The following MEOX2 variants were observed in gnomAD, a reference collection of about 807,000 sequenced individuals.
MEOX2 encodes mesenchyme homeobox 2, also known as homeobox protein MOX-2.
In MEOX2, 11 loss-of-function variants were observed where a neutral mutation model predicts 27.0. The ratio of observed to expected loss-of-function variants is 0.41; its 90% CI spans 0.26 to 0.68. The LOEUF (loss-of-function observed/expected upper bound fraction) is 0.68, where lower values mean the gene tolerates loss of function less well. MEOX2 is among the 30% of genes least tolerant of loss of function. MEOX2 has a pLI of 0.33. For missense variants in MEOX2, 436 were observed against 385.4 expected (o/e 1.13, Z -1.10); for synonymous variants, 189 against 155.4 (o/e 1.22, Z -1.61).
At position 15,685,404 on chromosome 7, in the gene MEOX2, T is replaced by C. The variant is rs76269957; in HGVS notation, c.517+482A>G. Among the ~76,000 whole-genome samples the C allele has an allele frequency of 8.2e-3, 1,249 of 152,096 alleles. 37 individuals carry two copies. The East Asian group carries it at 0.11, about 13-fold the overall frequency. ...TTCTCATGCGCTCTGCCAAGTTCCA[T>C]TGCAAGTTCCAAACATTGTGCAATA... is the stretch of plus-strand genomic sequence containing the variant. On this transcript the variant is annotated intron_variant, in intron 1 of 2. Coordinates refer to ENST00000262041, the MANE Select transcript of MEOX2 (RefSeq NM_005924.5).
At chr7:15,655,980 A>G (rs1053968462) in intron 1 of MEOX2, among the ~76,000 whole-genome samples, 5 of 151,706 alleles carry the variant, frequency 3.3e-5, no homozygotes, top group African/African-American at 9.7e-5. Context: ...GGGCTTATCA[A>G]TTTCTCCTAT....
intron 1 of MEOX2, chr7:15,681,899 A>T (rs1782297225): frequency 6.6e-6 from 1 of 151,824 alleles, no homozygotes; most frequent in South Asian, 2.1e-4. Context: ...TTTACACAGA[A>T]TTGGAAACTA....
intron 1 of MEOX2, among the ~76,000 whole-genome samples, chr7:15,647,011 T>G (rs550175714): frequency 6.6e-6 from 1 of 152,088 alleles, no homozygotes; most frequent in African/African-American, 2.4e-5. Context: ...GAAACAAATA[T>G]AGTAAGTATA....
chr7:15,613,355 A>C (rs912091965), intron 2 of MEOX2, among the ~76,000 whole-genome samples: 1 of 149,136 alleles, frequency 6.7e-6, no homozygotes, highest in Non-Finnish European at 1.5e-5. Context: ...AATACATTTA[A>C]ATAAATATAT....
intron 2 of MEOX2, among the ~76,000 whole-genome samples, chr7:15,614,973 G>A (rs1781099397): frequency 6.6e-6 from 1 of 151,980 alleles, no homozygotes; most frequent in African/African-American, 2.4e-5. Context: ...CTCACTTAGA[G>A]CCATAGTTGA....
chr7:15,614,202 GATAAAATAAAATAAA>G (rs60984021), intron 2 of MEOX2, among the ~76,000 whole-genome samples: 2,143 of 142,156 alleles, frequency 0.015, 44 homozygotes, highest in African/African-American at 0.048. Flanking sequence ...CAAATAAATA[GATAAAATAAAATAAA>G]ATAAAATAAA....
At position 15,682,561 on chromosome 7, in the gene MEOX2, A is replaced by AT. The variant is rs548119733; in HGVS notation, c.517+3324dup. 1.5e-3 allele frequency among the ~76,000 whole-genome samples: 230 copies of AT among 151,962 alleles called. 2 individuals carry two copies. The highest frequency in any genetic ancestry group is 5.1e-3 in the African/African-American group (212 of 41,526). On this transcript the variant is annotated intron_variant, in intron 1 of 2. Transcript: ENST00000262041. ...TCTTTTCTTTTTTGATGTAATTTCTATTTTTTATAAAATATGTATCATAAA... is the reference window on the plus strand; with the variant it reads ...TCTTTTCTTTTTTGATGTAATTTCTATTTTTTTATAAAATATGTATCATAAA...
At chr7:15,678,543 A>G (rs1160677251) in intron 1 of MEOX2, among the ~76,000 whole-genome samples, 1 of 152,198 alleles carries the variant, frequency 6.6e-6, no homozygotes, top group Non-Finnish European at 1.5e-5. Flanking sequence ...TAATCTTTTC[A>G]ACTAATAAGA....
chr7:15,635,468 T>C (rs1409284476), intron 1 of MEOX2, among the ~76,000 whole-genome samples: 2 of 151,962 alleles, frequency 1.3e-5, no homozygotes, highest in Non-Finnish European at 1.5e-5. Flanking sequence ...TCAACCCCTA[T>C]TGTCTCCCCT....
intron 1 of MEOX2, chr7:15,668,350 GCTTTA>G (rs986512964): frequency 2.6e-5 from 4 of 151,890 alleles, no homozygotes; most frequent in Non-Finnish European, 5.9e-5. Flanking sequence ...CTTTTCTCTG[GCTTTA>G]CTTTATTGTA....
In MEOX2 at chr7:15,673,597, CAAAAAAA is replaced by C. The variant is rs35223717; in HGVS notation, c.517+12282_517+12288del. ...GAGGAATAGACATAAACAAGTCTAT[CAAAAAAA>C]AAAAAAAAAAAAAAGATTGGTCAGA... On this transcript the variant is annotated intron_variant, in intron 1 of 2. Transcript: ENST00000262041. Among the ~76,000 whole-genome samples, 3 of 76,194 alleles carry C rather than the reference CAAAAAAA, an allele frequency of 3.9e-5. No individual in the cohort carries two copies. In the Admixed American group the frequency reaches 4.7e-4, roughly 12 times the overall value. 50.0% of individuals were successfully genotyped at this position (76,194 alleles called of 152,430 possible).
chr7:15,636,961 T>TCCCAAAA (rs1461489811), intron 1 of MEOX2, among the ~76,000 whole-genome samples: 3 of 151,970 alleles, frequency 2.0e-5, no homozygotes, highest in African/African-American at 4.8e-5. Flanking sequence ...CCAAAAGGCC[T>TCCCAAAA]CACCTGCCAG....
At chr7:15,677,622 T>C (rs1422730810) in intron 1 of MEOX2, 1 of 152,202 alleles carries the variant, frequency 6.6e-6, no homozygotes. Flanking sequence ...AGAAGGCTTC[T>C]GTCCTGTTGC....
chr7:15,644,954 G>A (rs1261895717), intron 1 of MEOX2, among the ~76,000 whole-genome samples: 3 of 152,038 alleles, frequency 2.0e-5, no homozygotes, highest in South Asian at 2.1e-4. Context: ...GCCCCAGAAC[G>A]CCCACTGCTG....
chr7:15,630,031 C>G (rs536943789), intron 1 of MEOX2, among the ~76,000 whole-genome samples: 1 of 152,168 alleles, frequency 6.6e-6, no homozygotes, highest in East Asian at 1.9e-4. Context: ...CCTTTCTTCT[C>G]TACAACCACA....
rs1781720155 is a variant in MEOX2, at chr7:15,650,679, A to C, written c.518-23761T>G. Reference sequence around the variant, plus strand: ...ATCATTGTATACAGGAGAGAGAAGAAATAGAGGGAAAAAAATTGAGTTTTT... The same window carrying C: ...ATCATTGTATACAGGAGAGAGAAGACATAGAGGGAAAAAAATTGAGTTTTT... On this transcript the variant is annotated intron_variant, in intron 1 of 2. Coordinates refer to ENST00000262041, the MANE Select transcript of MEOX2 (RefSeq NM_005924.5). Among the ~76,000 whole-genome samples the C allele has an allele frequency of 1.3e-5, 2 of 152,034 alleles. 1 individual carries two copies. The highest frequency in any genetic ancestry group is 1.3e-4 in the Admixed American group (2 of 15,238).
chr7:15,622,052 G>A (rs893570121), intron 2 of MEOX2, among the ~76,000 whole-genome samples: 2 of 152,146 alleles, frequency 1.3e-5, no homozygotes, highest in African/African-American at 2.4e-5. Flanking sequence ...AGGAGGCGGA[G>A]GTTGCAGTGA....
intron 1 of MEOX2, among the ~76,000 whole-genome samples, chr7:15,628,962 G>A (rs1781358330): frequency 6.6e-6 from 1 of 152,004 alleles, no homozygotes; most frequent in African/African-American, 2.4e-5. Context: ...TGCCAATTTG[G>A]ATCCCTGCTT....
intron 1 of MEOX2, among the ~76,000 whole-genome samples, chr7:15,645,951 G>A (rs533500990): frequency 6.6e-6 from 1 of 152,174 alleles, no homozygotes; most frequent in South Asian, 2.1e-4. Context: ...TTTAAGTACA[G>A]GATCAAAGGA....
Sources: gnomAD v4.1 joint callset for allele counts (sites outside exome capture counted in the v4.1 genomes callset) on GRCh38, gnomAD v4.1.1 for gene constraint, MANE v1.5 for transcripts, NCBI Gene and HGNC (gene_info 2026-07-23, HGNC 2026-07-21) for gene names.